Variants in ANKS1B observed in about 807,000 individuals in gnomAD.
The protein encoded by ANKS1B is ankyrin repeat and sterile alpha motif domain containing 1B, also known as ankyrin repeat and sterile alpha motif domain-containing protein 1B.
Under a neutral mutation model 148.3 loss-of-function variants are expected in ANKS1B, and 36 were observed. The ratio of observed to expected loss-of-function variants is 0.24; its 90% CI spans 0.19 to 0.32. ANKS1B has a LOEUF of 0.32. Among genes scored for constraint, ANKS1B ranks in the 10% least tolerant of loss-of-function variants. The pLI, the probability that ANKS1B is intolerant of heterozygous loss-of-function variation, is 1.00. For synonymous variants in ANKS1B, 542 were observed against 560.8 expected, an observed-to-expected ratio of 0.97 and a Z score of 0.47; for missense variants, 1,157 against 1,542.6, an observed-to-expected ratio of 0.75 and a Z score of 4.19.
chr12:99,040,149 G>A (rs183609846), intron 17 of ANKS1B, among the ~76,000 whole-genome samples: 2 of 152,066 alleles, frequency 1.3e-5, no homozygotes, highest in African/African-American at 2.4e-5. Context: ...CTGGCCATGG[G>A]TCTTTCTCCT....
chr12:99,453,167 G>A (rs1163493304), intron 10 of ANKS1B, among the ~76,000 whole-genome samples: 1 of 152,108 alleles, frequency 6.6e-6, no homozygotes, highest in East Asian at 1.9e-4. Flanking sequence ...GTGGGTGCCT[G>A]TAGTCCCAGC....
chr12:98,781,287 G>T (rs111995231), intron 23 of ANKS1B, 84 bp from the exon 24 acceptor site: 10 of 757,080 alleles, frequency 1.3e-5, no homozygotes, highest in Non-Finnish European at 2.1e-5. Context: ...GAAAGATAAA[G>T]ATGAGCTCAA....
intron 12 of ANKS1B, among the ~76,000 whole-genome samples, chr12:99,297,099 T>C (rs2080975546): frequency 6.6e-6 from 1 of 152,210 alleles, no homozygotes; most frequent in Non-Finnish European, 1.5e-5. Context: ...GGAATGTGAA[T>C]ATCTAGAACA....
rs557006009 is a variant in ANKS1B, at chr12:99,337,500, T to C, written c.1756+62131A>G. Among the ~76,000 whole-genome samples, 3 of 152,232 alleles carry C rather than the reference T, an allele frequency of 2.0e-5. No individual in the cohort carries two copies. The South Asian group carries it at 6.2e-4, about 32-fold the overall frequency. Reference sequence around the variant, plus strand: ...TGTCTCTCCAGGATGCTCACTGGTATCTTATTTAGTTCATTTGGTCAGGTA... The same window carrying C: ...TGTCTCTCCAGGATGCTCACTGGTACCTTATTTAGTTCATTTGGTCAGGTA... On this transcript the variant is annotated intron_variant, in intron 12 of 26. Coordinates refer to ENST00000683438, the MANE Select transcript of ANKS1B (RefSeq NM_001352186.2).
intron 12 of ANKS1B, among the ~76,000 whole-genome samples, chr12:99,347,692 TAC>T (rs1436581694): frequency 1.3e-5 from 2 of 151,828 alleles, no homozygotes; most frequent in African/African-American, 4.8e-5. Context: ...AACATACAAG[TAC>T]AACCCAAGAC....
chr12:99,520,928 T>G (rs577066799), intron 9 of ANKS1B, among the ~76,000 whole-genome samples: 1 of 152,282 alleles, frequency 6.6e-6, no homozygotes, highest in African/African-American at 2.4e-5. Flanking sequence ...TTTAAGTAGC[T>G]GGGATTACAG....
chr12:99,981,386 A>C (rs776550697), intron 1 of ANKS1B, among the ~76,000 whole-genome samples: 5 of 152,088 alleles, frequency 3.3e-5, no homozygotes, highest in Non-Finnish European at 7.4e-5. Context: ...ATAATTTCTT[A>C]TTACCAGTAG....
intron 22 of ANKS1B, among the ~76,000 whole-genome samples, chr12:98,782,590 A>G (rs145547238): frequency 1.4e-3 from 208 of 152,310 alleles, no homozygotes; most frequent in Non-Finnish European, 2.4e-3. Flanking sequence ...CATTGAACTC[A>G]ATGATGAGAC....
At chr12:99,638,741 G>A (rs769990738) in intron 9 of ANKS1B, among the ~76,000 whole-genome samples, 4 of 152,186 alleles carry the variant, frequency 2.6e-5, no homozygotes, top group Non-Finnish European at 5.9e-5. Flanking sequence ...GGGCATGTCA[G>A]AGACATTCAC....
At chr12:98,832,339 A>G (rs1189329606) in intron 17 of ANKS1B, among the ~76,000 whole-genome samples, 1 of 152,164 alleles carries the variant, frequency 6.6e-6, no homozygotes, top group Non-Finnish European at 1.5e-5. Flanking sequence ...TCAGGGGCAC[A>G]AAGAGAAGGG....
At chr12:99,306,328 A>C (rs916550129) in intron 12 of ANKS1B, among the ~76,000 whole-genome samples, 44 of 152,080 alleles carry the variant, frequency 2.9e-4, no homozygotes, top group Admixed American at 2.7e-3. Context: ...GATGCCATCA[A>C]ATACTAGTAA....
chr12:99,459,720 G>T lies in ANKS1B; in HGVS notation c.1439-15911C>A, dbSNP rs1327245381. Among the ~76,000 whole-genome samples the T allele has an allele frequency of 4.6e-5, 7 of 151,570 alleles. No homozygotes were observed. The East Asian group carries it at 9.6e-4, about 21-fold the overall frequency. On this transcript the variant is annotated intron_variant, in intron 10 of 26. Transcript: ENST00000683438. ...CAAAGAGGTGAAAGCCTGCTACAAG[G>T]AAAACTACAAAACATTGCTGAAAGA...
At chr12:99,517,269 C>T (rs571319062) in intron 9 of ANKS1B, among the ~76,000 whole-genome samples, 1 of 152,100 alleles carries the variant, frequency 6.6e-6, no homozygotes, top group African/African-American at 2.4e-5. Flanking sequence ...TTAGTTGTGG[C>T]TATTGTAAGT....
At chr12:99,803,916 G>C (rs1258826278) in intron 4 of ANKS1B, among the ~76,000 whole-genome samples, 6 of 152,158 alleles carry the variant, frequency 3.9e-5, no homozygotes, top group African/African-American at 1.2e-4. Context: ...TCATGGATGG[G>C]AGTTATTCTT....
intron 17 of ANKS1B, among the ~76,000 whole-genome samples, chr12:98,937,771 T>C (rs2099820137): frequency 6.6e-6 from 1 of 152,150 alleles, no homozygotes; most frequent in Admixed American, 6.5e-5. Context: ...TATCTGAAAC[T>C]GGGCAATTTA....
intron 8 of ANKS1B, among the ~76,000 whole-genome samples, chr12:99,662,865 A>G (rs2098484427): frequency 6.6e-6 from 1 of 152,116 alleles, no homozygotes; most frequent in Non-Finnish European, 1.5e-5. Flanking sequence ...CCTTCCACCA[A>G]GAAGAATAGA....
At chr12:99,178,966 A>G (rs1431075108) in intron 14 of ANKS1B, among the ~76,000 whole-genome samples, 1 of 152,214 alleles carries the variant, frequency 6.6e-6, no homozygotes, top group Non-Finnish European at 1.5e-5. Context: ...ATGCTTTAGC[A>G]TGATAAAGGA....
chr12:99,076,844 A>G (rs2153603235), intron 16 of ANKS1B, among the ~76,000 whole-genome samples: 1 of 152,260 alleles, frequency 6.6e-6, no homozygotes. Context: ...TTTTAAATAA[A>G]GTTATTTGGA....
chr12:99,700,921 C>T (rs2054705468), intron 8 of ANKS1B, among the ~76,000 whole-genome samples: 1 of 152,134 alleles, frequency 6.6e-6, no homozygotes, highest in Non-Finnish European at 1.5e-5. Flanking sequence ...TTCCAATCCC[C>T]ACCTGCTGAA....
Sources: allele counts gnomAD v4.1 joint callset (sites outside exome capture counted in the v4.1 genomes callset), GRCh38; gene constraint gnomAD v4.1.1; transcripts MANE v1.5; gene names NCBI Gene and HGNC (gene_info 2026-07-23, HGNC 2026-07-21).